The following RBM34 variants were observed in gnomAD, a reference collection of about 807,000 sequenced individuals.
RBM34 encodes RNA binding motif protein 34.
A neutral mutation model predicts 44.6 loss-of-function variants in RBM34; 39 were observed. The ratio of observed to expected loss-of-function variants is 0.87; its 90% confidence interval spans 0.68 to 1.14. The LOEUF is 1.14. RBM34 is among the 50% of genes most tolerant of loss of function. RBM34 has a pLI of 0.00. For missense variants in RBM34, 572 were observed against 517.9 expected (o/e 1.10, Z -1.01); for synonymous variants, 194 against 184.0 (o/e 1.05, Z -0.44).
In RBM34 at chr1:235,160,638, T is replaced by C. The variant is rs950468717; in HGVS notation, c.238A>G (p.Lys80Glu). 1.2e-5 allele frequency: 20 copies of C among 1,610,838 alleles called. No individual in the cohort carries two copies. The highest frequency in any genetic ancestry group is 1.7e-5 in the Non-Finnish European group (20 of 1,179,264). ...TCCTCCTCATTCCGTTTCGTTTTTT[T>C]GATGGTTTGCTTTTTAAAAGTTTGA... ...VYVPVPKQTI[K>E]KTKRNEEEES... Residue 80 changes from lysine (K) to glutamate (E), a missense_variant, in exon 3 of 11, where the codon AAA (lysine) becomes GAA (glutamate). By Grantham distance (56) the Lys-to-Glu change is moderately conservative. Transcript: ENST00000408888.
At chr1:235,153,347 T>C (rs1662247281) in intron 4 of RBM34, among the ~76,000 whole-genome samples, 1 of 152,130 alleles carries the variant, frequency 6.6e-6, no homozygotes, top group Non-Finnish European at 1.5e-5. Context: ...ATAACCTTTA[T>C]CACATGTAAA....
intron 6 of RBM34, among the ~76,000 whole-genome samples, chr1:235,142,836 G>A (rs1186446593): frequency 1.3e-5 from 2 of 148,240 alleles, no homozygotes; most frequent in Admixed American, 6.8e-5. Flanking sequence ...GCTGAGGCAG[G>A]AGAATCAGTT....
chr1:235,131,803 T>G lies in RBM34; in HGVS notation c.1203A>C (p.Leu401Phe). The change falls in exon 11 of 11, where the codon TTA becomes TTC. Residue 401 changes from leucine to phenylalanine, a missense_variant. Transcript: ENST00000408888. Reference sequence around the variant, plus strand: ...GGAGAACAGCTTTTTCTCCAATAAATAAGCTTTTAGGATGTCCTTCTGCAG... The same window carrying G: ...GGAGAACAGCTTTTTCTCCAATAAAGAAGCTTTTAGGATGTCCTTCTGCAG... The part of the protein sequence containing the change: ...SKTAEGHPKS[L>F]FIGEKAVLLK... The G allele has an allele frequency of 6.2e-7, 1 of 1,614,098 alleles. No individual in the cohort carries two copies. The highest frequency in any genetic ancestry group is 1.1e-5 in the South Asian group (1 of 91,068).
At chr1:235,141,861 G>T (rs1039774040) in intron 6 of RBM34, among the ~76,000 whole-genome samples, 1 of 152,080 alleles carries the variant, frequency 6.6e-6, no homozygotes, top group Admixed American at 6.6e-5. Flanking sequence ...GAACAAATCC[G>T]AACATCAGAA....
chr1:235,131,645 G>A lies in RBM34; in HGVS notation c.*68C>T. The A allele has an allele frequency of 6.7e-7, 1 of 1,489,970 alleles. No homozygotes were observed. The highest frequency in any genetic ancestry group is 9.0e-7 in the Non-Finnish European group (1 of 1,108,460). 92.3% of individuals were successfully genotyped at this position (1,489,970 alleles called of 1,614,324 possible). On this transcript the variant is annotated 3_prime_UTR_variant, in exon 11 of 11. Transcript: ENST00000408888. The stretch of plus-strand genomic sequence containing the variant: ...ACTCAACACATGAATAGCAGACGAT[G>A]CTATCAGCAGATAATAGCACTTTTA...
At chr1:235,155,464 C>A (rs1217588547) in intron 3 of RBM34, among the ~76,000 whole-genome samples, 1 of 150,140 alleles carries the variant, frequency 6.7e-6, no homozygotes, top group Non-Finnish European at 1.5e-5. Context: ...ACCTCAGCCT[C>A]CCAAGTAACT....
intron 6 of RBM34, among the ~76,000 whole-genome samples, chr1:235,148,036 T>C (rs1368491833): frequency 6.6e-6 from 1 of 152,152 alleles, no homozygotes; most frequent in Non-Finnish European, 1.5e-5. Context: ...GCTGGCAGTA[T>C]ACCCAGGTGA....
intron 10 of RBM34, among the ~76,000 whole-genome samples, chr1:235,133,041 G>A (rs1661280721): frequency 6.6e-6 from 1 of 151,908 alleles, no homozygotes; most frequent in Non-Finnish European, 1.5e-5. Context: ...CCAAACTTTT[G>A]GGGAAAAAAA....
At chr1:235,155,141 G>C in intron 3 of RBM34, 29 bp from the exon 4 acceptor site, 29 of 1,577,452 alleles carry the variant, frequency 1.8e-5, no homozygotes, top group Non-Finnish European at 2.3e-5. Flanking sequence ...AAAATAAGCA[G>C]TAAGAGTCAT....
intron 10 of RBM34, among the ~76,000 whole-genome samples, chr1:235,133,955 C>T (rs537893671): frequency 6.6e-6 from 1 of 152,140 alleles, no homozygotes; most frequent in Non-Finnish European, 1.5e-5. Flanking sequence ...CTTGACCTCC[C>T]GTACTTAAGC....
chr1:235,133,056 A>C (rs1393453566), intron 10 of RBM34, among the ~76,000 whole-genome samples: 2 of 152,036 alleles, frequency 1.3e-5, no homozygotes, highest in Non-Finnish European at 2.9e-5. Context: ...AAAAAACATA[A>C]CCAGGCCAGG....
At chr1:235,132,452 G>T (rs1244006053) in intron 10 of RBM34, among the ~76,000 whole-genome samples, 1 of 152,126 alleles carries the variant, frequency 6.6e-6, no homozygotes, top group African/African-American at 2.4e-5. Flanking sequence ...GGGATTACAG[G>T]CGCGGGCCAA....
chr1:235,136,724 CTTAGT>C (rs760897049), intron 8 of RBM34, among the ~76,000 whole-genome samples: 16 of 152,314 alleles, frequency 1.1e-4, no homozygotes, highest in South Asian at 2.1e-4. Context: ...TCATGTCACT[CTTAGT>C]TTAAATTTTT....
chr1:235,154,492 A>G (rs1396664743), intron 4 of RBM34, among the ~76,000 whole-genome samples: 1 of 152,126 alleles, frequency 6.6e-6, no homozygotes, highest in Non-Finnish European at 1.5e-5. Flanking sequence ...TGAGTCCAGG[A>G]GTTTGAGGCT....
chr1:235,144,498 C>CT (rs1491358223), intron 6 of RBM34, among the ~76,000 whole-genome samples: 1 of 45,772 alleles, frequency 2.2e-5, no homozygotes, highest in Non-Finnish European at 4.2e-5. Flanking sequence ...CCTTAATAAA[C>CT]TAAAAAAAAA....
At chr1:235,145,320 C>A (rs1291504569) in intron 6 of RBM34, among the ~76,000 whole-genome samples, 1 of 151,346 alleles carries the variant, frequency 6.6e-6, no homozygotes, top group African/African-American at 2.4e-5. Flanking sequence ...CACTGTCATC[C>A]AGGCTGGAGC....
At chr1:235,134,443 G>A (rs564828849) in intron 10 of RBM34, among the ~76,000 whole-genome samples, 23 of 152,118 alleles carry the variant, frequency 1.5e-4, no homozygotes, top group African/African-American at 5.1e-4. Context: ...TTACAGTCAC[G>A]CGTCAACATG....
chr1:235,156,627 T>C (rs994616471), intron 3 of RBM34: 3 of 462,094 alleles, frequency 6.5e-6, no homozygotes, highest in African/African-American at 4.0e-5. Flanking sequence ...AAATACAATA[T>C]AAAGTATTGC....
intron 6 of RBM34, among the ~76,000 whole-genome samples, chr1:235,146,002 G>T (rs1413203527): frequency 1.5e-5 from 2 of 136,680 alleles, no homozygotes; most frequent in Non-Finnish European, 3.1e-5. Flanking sequence ...GGAAGACAGG[G>T]TCTCACTCTA....
Sources: gnomAD v4.1 joint callset for allele counts (sites outside exome capture counted in the v4.1 genomes callset) on GRCh38, gnomAD v4.1.1 for gene constraint, MANE v1.5 for transcripts, NCBI Gene and HGNC (gene_info 2026-07-23, HGNC 2026-07-21) for gene names.